The following ZNF385D variants were observed in gnomAD, a reference collection of about 807,000 sequenced individuals.
The protein encoded by ZNF385D is zinc finger protein 659.
A neutral mutation model predicts 35.8 loss-of-function variants in ZNF385D; 15 were observed. The ratio of observed to expected loss-of-function variants is 0.42; its 90% CI spans 0.28 to 0.64. ZNF385D has a LOEUF of 0.64. ZNF385D is among the 30% of genes least tolerant of loss of function. The pLI, the probability that ZNF385D is intolerant of heterozygous loss-of-function variation, is 0.23. For missense variants in ZNF385D, 474 were observed against 494.6 expected, an observed-to-expected ratio of 0.96 and a Z score of 0.39; for synonymous variants, 212 against 186.8, an observed-to-expected ratio of 1.13 and a Z score of -1.10.
At chr3:21,713,011 C>T (rs1575513229) in intron 1 of ZNF385D, among the ~76,000 whole-genome samples, 3 of 152,300 alleles carry the variant, frequency 2.0e-5, no homozygotes, top group East Asian at 1.9e-4. Flanking sequence ...AATCACTCTT[C>T]GGTGTAAAAA....
At chr3:21,701,641 G>A (rs1351854744) in intron 1 of ZNF385D, among the ~76,000 whole-genome samples, 1 of 152,082 alleles carries the variant, frequency 6.6e-6, no homozygotes, top group African/African-American at 2.4e-5. Context: ...TCTCATCTGA[G>A]ACAAAGCAAG....
At chr3:21,732,026 C>CAT (rs2069023043) in intron 1 of ZNF385D, among the ~76,000 whole-genome samples, 2 of 24,124 alleles carry the variant, frequency 8.3e-5, no homozygotes, top group Admixed American at 4.1e-4. Flanking sequence ...TTTCTTTTTT[C>CAT]GGGGTTTTTT....
intron 3 of ZNF385D, among the ~76,000 whole-genome samples, chr3:21,784,363 C>CT (rs1040843459): frequency 1.4e-4 from 21 of 151,932 alleles, no homozygotes; most frequent in East Asian, 3.9e-4. Context: ...CTTTAACCAT[C>CT]TTTTTTTTGG....
intron 2 of ZNF385D, among the ~76,000 whole-genome samples, chr3:21,629,863 A>C (rs1003743921): frequency 6.6e-6 from 1 of 152,160 alleles, no homozygotes; most frequent in Non-Finnish European, 1.5e-5. Context: ...CTTTAATGGA[A>C]TTGTATTCTG....
At chr3:21,582,752 CTTTTA>C (rs1235674291) in intron 2 of ZNF385D, among the ~76,000 whole-genome samples, 2 of 106,056 alleles carry the variant, frequency 1.9e-5, no homozygotes, top group Middle Eastern at 4.4e-3. Context: ...ATTTTTAACA[CTTTTA>C]TTTATTTATT....
At chr3:22,082,686 C>G (rs1335278064) in intron 3 of ZNF385D, among the ~76,000 whole-genome samples, 1 of 152,200 alleles carries the variant, frequency 6.6e-6, no homozygotes, top group Non-Finnish European at 1.5e-5. Flanking sequence ...TCTGACAGCT[C>G]TGAAGAGAGC....
intron 3 of ZNF385D, among the ~76,000 whole-genome samples, chr3:22,093,032 A>C (rs1701412546): frequency 6.6e-6 from 1 of 152,192 alleles, no homozygotes; most frequent in Non-Finnish European, 1.5e-5. Flanking sequence ...GGAAGGTCAT[A>C]GCTCCCACAC....
intron 2 of ZNF385D, among the ~76,000 whole-genome samples, chr3:21,614,605 T>G (rs941704158): frequency 1.3e-5 from 2 of 152,168 alleles, no homozygotes; most frequent in Non-Finnish European, 2.9e-5. Context: ...TTGTTTGTTT[T>G]TTTGAGATGG....
chr3:22,135,772 A>G (rs11129043), intron 3 of ZNF385D, among the ~76,000 whole-genome samples: 22,984 of 152,180 alleles, frequency 0.15, 1,961 homozygotes, highest in African/African-American at 0.23. Context: ...GTTTTGGTAA[A>G]AAAGTATAGA....
chr3:21,842,079 T>G (rs1371634695), intron 3 of ZNF385D, among the ~76,000 whole-genome samples: 1 of 151,912 alleles, frequency 6.6e-6, no homozygotes, highest in Non-Finnish European at 1.5e-5. Flanking sequence ...GATTTTTTGT[T>G]AAATTTAAAA....
At chr3:21,752,416 A>T (rs367785612), upstream of ZNF385D, among the ~76,000 whole-genome samples, 2 of 152,290 alleles carry the variant, frequency 1.3e-5, no homozygotes. Context: ...AAAGATTTCT[A>T]CATTTTGATA....
chr3:22,372,351 C>T (rs1446944236), intron 2 of ZNF385D: 2 of 768,154 alleles, frequency 2.6e-6, no homozygotes, highest in Middle Eastern at 6.7e-4. Context: ...CAGCCCCTCG[C>T]GCCTGGTATC....
At chr3:22,041,073 G>C (rs924747033) in intron 3 of ZNF385D, among the ~76,000 whole-genome samples, 2 of 152,056 alleles carry the variant, frequency 1.3e-5, no homozygotes, top group African/African-American at 4.8e-5. Flanking sequence ...GGTTTCAAAA[G>C]ATGTCATTAG....
intron 2 of ZNF385D, among the ~76,000 whole-genome samples, chr3:21,630,999 A>G (rs1477883084): frequency 6.6e-6 from 1 of 152,124 alleles, no homozygotes; most frequent in African/African-American, 2.4e-5. Context: ...GTAAATAGAT[A>G]CCAGGGAACA....
At chr3:21,737,466 T>TATATACAC (rs139213948) in intron 1 of ZNF385D, among the ~76,000 whole-genome samples, 4 of 149,072 alleles carry the variant, frequency 2.7e-5, no homozygotes, top group African/African-American at 9.9e-5. Context: ...GGGATATATA[T>TATATACAC]ACACACACAC....
chr3:22,030,289 A>ATATATATGTATG (rs1697899664), intron 3 of ZNF385D, among the ~76,000 whole-genome samples: 2 of 98,266 alleles, frequency 2.0e-5, no homozygotes, highest in East Asian at 3.4e-4. Context: ...ATATATATAT[A>ATATATATGTATG]TATATATATA....
At chr3:22,219,006 C>T (rs552541391) in intron 2 of ZNF385D, among the ~76,000 whole-genome samples, 7 of 152,156 alleles carry the variant, frequency 4.6e-5, no homozygotes, top group African/African-American at 1.7e-4. Context: ...TCTAGCAATT[C>T]CTCTTTTTAT....
At chr3:21,964,584 G>A (rs1178080591) in intron 3 of ZNF385D, among the ~76,000 whole-genome samples, 1 of 142,140 alleles carries the variant, frequency 7.0e-6, no homozygotes, top group African/African-American at 2.6e-5. Flanking sequence ...CTGCCTCCCA[G>A]GTTCAAGCGA....
chr3:22,014,060 G>A (rs1237076922), intron 3 of ZNF385D, among the ~76,000 whole-genome samples: 3 of 152,076 alleles, frequency 2.0e-5, no homozygotes. Context: ...GGAATGGGAA[G>A]AAATCTTTGA....
Sources: allele counts gnomAD v4.1 joint callset (sites outside exome capture counted in the v4.1 genomes callset), GRCh38; gene constraint gnomAD v4.1.1; transcripts MANE v1.5; gene names NCBI Gene and HGNC (gene_info 2026-07-23, HGNC 2026-07-21).